The following ANKS1B variants were observed in gnomAD, a reference collection of about 807,000 sequenced individuals.
The protein encoded by ANKS1B is ankyrin repeat and sterile alpha motif domain-containing protein 1B.
In ANKS1B, 36 loss-of-function variants were observed where a neutral mutation model predicts 148.3. The ratio of observed to expected loss-of-function variants is 0.24; its 90% CI spans 0.19 to 0.32. The LOEUF (loss-of-function observed/expected upper bound fraction) is 0.32. Among genes scored for constraint, ANKS1B ranks in the 10% least tolerant of loss-of-function variants. The pLI, the probability that ANKS1B is intolerant of heterozygous loss-of-function variation, is 1.00. For synonymous variants in ANKS1B, 542 were observed against 560.8 expected (o/e 0.97, Z 0.47); for missense variants, 1,157 against 1,542.6 (o/e 0.75, Z 4.19).
chr12:99,474,170 C>T (rs1276693110), intron 10 of ANKS1B, among the ~76,000 whole-genome samples: 6 of 152,028 alleles, frequency 3.9e-5, no homozygotes, highest in Non-Finnish European at 7.4e-5. Flanking sequence ...TCCATATATA[C>T]TGTTCTTGTA....
chr12:99,831,230 C>CAAA (rs546884271), intron 1 of ANKS1B, among the ~76,000 whole-genome samples: 80 of 83,928 alleles, frequency 9.5e-4, no homozygotes, highest in African/African-American at 3.1e-3. Context: ...TCAAAGAAAG[C>CAAA]AAAAAAAAAA....
chr12:99,632,727 C>CTAGATATATA lies in ANKS1B; in HGVS notation c.1272+22339_1272+22340insTATATATCTA, dbSNP rs1419756181. ...TTTGGCCTGTGTCTTCCTTTTCTTT[C>CTAGATATATA]TATATATATATATATATATATATAT... On this transcript the variant is annotated intron_variant, in intron 9 of 26. Coordinates refer to ENST00000683438, the MANE Select transcript of ANKS1B (RefSeq NM_001352186.2). Among the ~76,000 whole-genome samples, 189 of 39,026 alleles carry CTAGATATATA rather than the reference C, an allele frequency of 4.8e-3. 4 individuals carry two copies. Among genetic ancestry groups the CTAGATATATA allele is most frequent in the East Asian group, 0.019 (19 of 980 alleles). The allele number at this position is 39,026 out of a possible 152,430, so 25.6% of individuals were successfully genotyped here.
chr12:98,921,136 C>T (rs1434305325), intron 17 of ANKS1B, among the ~76,000 whole-genome samples: 1 of 151,958 alleles, frequency 6.6e-6, no homozygotes, highest in African/African-American at 2.4e-5. Flanking sequence ...TTTAAATTCC[C>T]TTCCCCTCTT....
chr12:99,035,923 T>G (rs1397939525), intron 17 of ANKS1B, among the ~76,000 whole-genome samples: 1 of 152,192 alleles, frequency 6.6e-6, no homozygotes, highest in Admixed American at 6.5e-5. Context: ...TGAAAGCGAC[T>G]GAGGTTCCAC....
chr12:99,689,809 A>G (rs1252570600), intron 8 of ANKS1B, among the ~76,000 whole-genome samples: 11 of 152,336 alleles, frequency 7.2e-5, no homozygotes, highest in Non-Finnish European at 1.5e-4. Context: ...AGTGAATTTA[A>G]CCAAAAACAC....
intron 8 of ANKS1B, among the ~76,000 whole-genome samples, chr12:99,697,214 A>T (rs941620058): frequency 6.6e-6 from 1 of 152,200 alleles, no homozygotes; most frequent in Non-Finnish European, 1.5e-5. Flanking sequence ...TGGTCTAGTC[A>T]TCACACTGGA....
intron 1 of ANKS1B, among the ~76,000 whole-genome samples, chr12:99,941,018 C>T (rs1052445612): frequency 6.6e-6 from 1 of 152,080 alleles, no homozygotes; most frequent in Admixed American, 6.6e-5. Flanking sequence ...CAATAGATGT[C>T]AAGTTCTGAG....
At chr12:99,733,527 A>T (rs1329391547) in intron 8 of ANKS1B, among the ~76,000 whole-genome samples, 3 of 152,236 alleles carry the variant, frequency 2.0e-5, no homozygotes, top group Non-Finnish European at 4.4e-5. Flanking sequence ...ACTGAGCTAC[A>T]AACTTTACAT....
chr12:99,566,309 A>C (rs933651603), intron 9 of ANKS1B, among the ~76,000 whole-genome samples: 3 of 152,214 alleles, frequency 2.0e-5, no homozygotes, highest in African/African-American at 7.2e-5. Context: ...ACATACAAGC[A>C]AGTTCATTGC....
At chr12:99,738,739 G>C in intron 8 of ANKS1B, among the ~76,000 whole-genome samples, 1 of 152,144 alleles carries the variant, frequency 6.6e-6, no homozygotes, top group East Asian at 1.9e-4. Flanking sequence ...ATTGAAGGAA[G>C]GATTGGCCCA....
rs569227914 is a variant in ANKS1B at position 98,816,508 on chromosome 12, TC to T, written c.3067-8591del. Among the ~76,000 whole-genome samples the T allele has an allele frequency of 1.7e-3, 264 of 152,208 alleles. 1 individual carries two copies. Among genetic ancestry groups the T allele is most frequent in the African/African-American group, 6.2e-3 (259 of 41,550 alleles). On this transcript the variant is annotated intron_variant, in intron 19 of 26. Coordinates refer to ENST00000683438, the MANE Select transcript of ANKS1B (RefSeq NM_001352186.2). ...ACGGGGTTTCGCCATGTTGGCCAGG[TC>T]TCGGACTCCTGGCCTTATAGGATCC...
At chr12:98,795,024 T>G (rs1007346437) in intron 22 of ANKS1B, 1 of 750,312 alleles carries the variant, frequency 1.3e-6, no homozygotes, top group African/African-American at 1.7e-5. Context: ...TTTGGAGACT[T>G]GAAACTGCTA....
intron 25 of ANKS1B, among the ~76,000 whole-genome samples, chr12:98,768,426 T>TAAAAAAAAAA (rs386377533): frequency 2.1e-5 from 1 of 46,678 alleles, no homozygotes; most frequent in Non-Finnish European, 3.6e-5. Context: ...GGGTGCTCTC[T>TAAAAAAAAAA]AAAAAAAAAA....
At chr12:99,964,874 C>T (rs542849446) in intron 1 of ANKS1B, among the ~76,000 whole-genome samples, 149 of 152,158 alleles carry the variant, frequency 9.8e-4, no homozygotes, top group Non-Finnish European at 1.7e-3. Context: ...AAAAGGAGGA[C>T]ATTAACAGAA....
At chr12:99,310,412 A>G (rs1404159625) in intron 12 of ANKS1B, among the ~76,000 whole-genome samples, 1 of 152,168 alleles carries the variant, frequency 6.6e-6, no homozygotes, top group African/African-American at 2.4e-5. Flanking sequence ...TAGATTACTT[A>G]AAGCAGCCTG....
intron 2 of ANKS1B, among the ~76,000 whole-genome samples, chr12:99,820,713 T>C (rs531319036): frequency 2.6e-5 from 4 of 152,132 alleles, no homozygotes; most frequent in African/African-American, 9.6e-5. Context: ...TAAGCCAATA[T>C]TAAAATTAGC....
intron 1 of ANKS1B, among the ~76,000 whole-genome samples, chr12:99,898,226 A>T (rs2093457426): frequency 6.6e-6 from 1 of 152,172 alleles, no homozygotes; most frequent in Non-Finnish European, 1.5e-5. Flanking sequence ...TGTACTTCTT[A>T]ATTTTATATA....
chr12:99,486,149 T>G (rs1194339452), intron 10 of ANKS1B, among the ~76,000 whole-genome samples: 1 of 152,140 alleles, frequency 6.6e-6, no homozygotes, highest in Non-Finnish European at 1.5e-5. Context: ...CTCATTTGGG[T>G]AGACTATTCC....
chr12:99,095,998 T>C (rs2055954863), intron 15 of ANKS1B, among the ~76,000 whole-genome samples: 1 of 152,178 alleles, frequency 6.6e-6, no homozygotes, highest in Non-Finnish European at 1.5e-5. Flanking sequence ...GGGTTTCAGC[T>C]TATAATTGAA....
Sources: allele counts gnomAD v4.1 joint callset (sites outside exome capture counted in the v4.1 genomes callset), GRCh38; gene constraint gnomAD v4.1.1; transcripts MANE v1.5; gene names NCBI Gene and HGNC (gene_info 2026-07-23, HGNC 2026-07-21).